Variants in DNAH6 observed in about 807,000 individuals in gnomAD.
The protein encoded by DNAH6 is dynein axonemal heavy chain 6.
DNAH6 carries 340 observed loss-of-function variants against 491.4 expected under a neutral mutation model. The observed-to-expected ratio is 0.69, with a 90% CI of 0.63 to 0.76. The LOEUF is 0.76. Ranked by LOEUF, DNAH6 falls within the 30% of genes least tolerant of loss-of-function variation. DNAH6 has a pLI of 0.00. For synonymous variants in DNAH6, 1,603 were observed against 1,686.1 expected, an observed-to-expected ratio of 0.95 and a Z score of 1.21; for missense variants, 4,443 against 4,972.2, an observed-to-expected ratio of 0.89 and a Z score of 3.20.
the DNAH6 span, among the ~76,000 whole-genome samples, chr2:84,481,224 C>A: frequency 6.6e-6 from 1 of 152,136 alleles, no homozygotes; most frequent in African/African-American, 2.4e-5. Context: ...CTTAAGACCC[C>A]AAAGCCTTAC....
rs545215991 is a variant in DNAH6 at position 84,551,138 on chromosome 2, T to A, written c.1485+1081T>A. ...AATCTCCCACTCCACAGAAAGCTAA[T>A]TATGCAATACACAACCTGATGCTCT... On this transcript the variant is annotated intron_variant, in intron 9 of 76. Coordinates refer to ENST00000389394, the MANE Select transcript of DNAH6 (RefSeq NM_001370.2). Among the ~76,000 whole-genome samples the A allele has an allele frequency of 9.2e-5, 14 of 152,316 alleles. No homozygotes were observed. In the East Asian group the frequency reaches 1.3e-3, roughly 15 times the overall value.
chr2:84,648,573 T>C (rs76874137), intron 33 of DNAH6, among the ~76,000 whole-genome samples: 10,511 of 152,144 alleles, frequency 0.069, 1,203 homozygotes, highest in African/African-American at 0.24. Flanking sequence ...TTTTGAGGGG[T>C]TTTAGACCTC....
intron 33 of DNAH6, among the ~76,000 whole-genome samples, chr2:84,649,038 G>GT (rs1690162047): frequency 6.6e-6 from 1 of 152,172 alleles, no homozygotes; most frequent in Admixed American, 6.5e-5. Flanking sequence ...CAACATTGAG[G>GT]TAAGACCCTC....
chr2:84,710,458 A>C lies in DNAH6; in HGVS notation c.9378+46A>C, dbSNP rs569372632. 1.1e-4 allele frequency: 171 copies of C among 1,542,598 alleles called. 1 individual carries two copies. The highest frequency in any genetic ancestry group is 3.9e-4 in the Middle Eastern group (2 of 5,194). On this transcript the variant is annotated intron_variant, in intron 56 of 76. Transcript: ENST00000389394. Reference sequence around the variant, plus strand: ...TCTCATGTCAGTTCCCAACTTTCAAATCATATCTGGAATCCTATATAGGCC... The same window carrying C: ...TCTCATGTCAGTTCCCAACTTTCAACTCATATCTGGAATCCTATATAGGCC...
intron 62 of DNAH6, among the ~76,000 whole-genome samples, chr2:84,739,274 C>T (rs1672289371): frequency 6.6e-6 from 1 of 152,156 alleles, no homozygotes; most frequent in Admixed American, 6.5e-5. Flanking sequence ...AGTTCTCTTT[C>T]ACGTGGACTT....
Position 84,549,963 on chromosome 2 carries a change from T to C in DNAH6, c.1391T>C (p.Leu464Ser). Residue 464 changes from leucine (L) to serine (S), a missense_variant, in exon 9 of 77, where the codon TTG (leucine) becomes TCG (serine). Physicochemically the swap from Leu to Ser is moderately radical, Grantham distance 145 (BLOSUM62 -2). Around this residue, in one of 3 missense-constraint regions of DNAH6, gnomAD observed 2,977 missense variants for 3,296.6 expected, o/e 0.90. Coordinates refer to ENST00000389394, the MANE Select transcript of DNAH6 (RefSeq NM_001370.2). ...ILTVNAVNSL[L>S]NHLTDKLKRT... ...ACGGTAAATGCTGTTAATTCGCTTT[T>C]GAACCATCTCACTGACAAGCTAAAA... is the stretch of plus-strand genomic sequence containing the variant. The C allele has an allele frequency of 3.1e-6, 5 of 1,614,042 alleles. No homozygotes were observed. The highest frequency in any genetic ancestry group is 4.2e-6 in the Non-Finnish European group (5 of 1,179,924).
chr2:84,781,656 A>T lies in DNAH6; in HGVS notation c.10864+3A>T, dbSNP rs1019453921. 1 of 1,550,740 alleles carries T rather than the reference A, an allele frequency of 6.4e-7. No homozygotes were observed. On this transcript the variant is annotated splice_donor_region_variant and intron_variant, in intron 65 of 76. Coordinates refer to ENST00000389394, the MANE Select transcript of DNAH6 (RefSeq NM_001370.2). ...CATTAAAACCTTCACAGATCCAGGT[A>T]TGTTGAGCATATAGCCCTTGCATAA... is the stretch of plus-strand genomic sequence containing the variant.
At chr2:84,777,329 G>T in intron 64 of DNAH6, 1 of 333,836 alleles carries the variant, frequency 3.0e-6, no homozygotes, top group East Asian at 6.3e-5. Flanking sequence ...CTCTTCCTCA[G>T]GAGTCAGACT....
At chr2:84,555,924 C>T (rs1384348241) in intron 10 of DNAH6, among the ~76,000 whole-genome samples, 2 of 152,166 alleles carry the variant, frequency 1.3e-5, no homozygotes, top group Admixed American at 1.3e-4. Context: ...CTCATCATCT[C>T]TCTTCTGGCC....
intron 2 of DNAH6, among the ~76,000 whole-genome samples, chr2:84,524,865 T>C (rs191605854): frequency 2.0e-4 from 31 of 152,244 alleles, no homozygotes; most frequent in Admixed American, 1.9e-3. Flanking sequence ...CCTTCATCTT[T>C]GTAGCAACAG....
At chr2:84,549,738 C>T (rs1196831550) in intron 8 of DNAH6, 151 bp from the exon 9 acceptor site, 1 of 574,170 alleles carries the variant, frequency 1.7e-6, no homozygotes, top group Non-Finnish European at 2.9e-6. Flanking sequence ...CTCTTCTGGA[C>T]AGTACATTTC....
chr2:84,544,434 T>G lies in DNAH6; in HGVS notation c.864T>G (p.Asn288Lys). Reference sequence around the variant, plus strand: ...AGGCTTTTAGTGTATGGAGGAAGAATGTCCGCTCCAAGAAAATCACTGGAT... The same window carrying G: ...AGGCTTTTAGTGTATGGAGGAAGAAGGTCCGCTCCAAGAAAATCACTGGAT... Reference protein sequence around the residue: ...KWKAFSVWRKNVRSKKITGCQ... With the variant: ...KWKAFSVWRKKVRSKKITGCQ... The change falls in exon 5 of 77, where the codon AAT (asparagine) becomes AAG (lysine). Residue 288 changes from asparagine to lysine, a missense_variant. Coordinates refer to ENST00000389394, the MANE Select transcript of DNAH6 (RefSeq NM_001370.2). 2 of 1,540,088 alleles carry G rather than the reference T, an allele frequency of 1.3e-6. No homozygotes were observed. The highest frequency in any genetic ancestry group is 1.8e-6 in the Non-Finnish European group (2 of 1,136,682).
intron 42 of DNAH6, among the ~76,000 whole-genome samples, chr2:84,684,260 A>G (rs1377062957): frequency 1.3e-5 from 2 of 152,238 alleles, no homozygotes; most frequent in Non-Finnish European, 2.9e-5. Flanking sequence ...CTTCAGACTC[A>G]CTGATCCTCA....
the DNAH6 span, among the ~76,000 whole-genome samples, chr2:84,468,917 G>A: frequency 6.6e-6 from 1 of 152,176 alleles, no homozygotes; most frequent in Non-Finnish European, 1.5e-5. Context: ...ATATAATGAG[G>A]TGGAGACTTC....
chr2:84,785,321 G>A (rs945709528), intron 66 of DNAH6, among the ~76,000 whole-genome samples: 1 of 152,200 alleles, frequency 6.6e-6, no homozygotes, highest in Non-Finnish European at 1.5e-5. Flanking sequence ...CCCTGAGCAT[G>A]CTTTCTGACC....
chr2:84,635,948 G>A (rs1688842589), intron 30 of DNAH6, among the ~76,000 whole-genome samples: 3 of 152,042 alleles, frequency 2.0e-5, no homozygotes, highest in Admixed American at 2.0e-4. Flanking sequence ...CTAGAAACCT[G>A]GAACTCACCT....
At chr2:84,728,651 C>T (rs1558969252) in intron 61 of DNAH6, among the ~76,000 whole-genome samples, 1 of 152,242 alleles carries the variant, frequency 6.6e-6, no homozygotes, top group East Asian at 1.9e-4. Context: ...AACCATGACC[C>T]TCTCTTGCCT....
intron 11 of DNAH6, among the ~76,000 whole-genome samples, chr2:84,571,035 C>T (rs140988034): frequency 2.0e-4 from 30 of 152,214 alleles, no homozygotes; most frequent in Admixed American, 5.9e-4. Context: ...GAGAATCCAC[C>T]GGAAGGAACC....
At position 84,694,333 on chromosome 2, in the gene DNAH6, T is replaced by C. The variant is rs1274331707; in HGVS notation, c.7377T>C (p.Leu2459=). ...CAGGAAAGCAGTCACTCACGAGACT[T>C]GCAGCTCATATATGCGGTTACAAAT... ...GGTGKQSLTR[L]AAHICGYKCL... Residue 2459 remains leucine (L), a synonymous_variant, in exon 46 of 77, where the codon CTT becomes CTC. Transcript: ENST00000389394. 10 of 1,552,272 alleles carry C rather than the reference T, an allele frequency of 6.4e-6. No individual in the cohort carries two copies. In the South Asian group the frequency reaches 8.3e-5, roughly 13 times the overall value.
Sources: gnomAD v4.1 joint callset for allele counts (sites outside exome capture counted in the v4.1 genomes callset) on GRCh38, gnomAD v4.1.1 for gene constraint, gnomAD v4.1.1 regional missense constraint, MANE v1.5 for transcripts, NCBI Gene and HGNC (gene_info 2026-07-23, HGNC 2026-07-21) for gene names.